Variants in KNDC1 observed in about 807,000 individuals in gnomAD.
KNDC1 encodes kinase non-catalytic C-lobe domain containing 1, also known as kinase non-catalytic C-lobe domain-containing protein 1.
Under a neutral mutation model 172.8 loss-of-function variants are expected in KNDC1, and 106 were observed. The observed-to-expected ratio is 0.61, with a 90% CI of 0.52 to 0.72. The LOEUF (loss-of-function observed/expected upper bound fraction) is 0.72, where lower values mean the gene tolerates loss of function less well. KNDC1 is among the 30% of genes least tolerant of loss of function. The probability of loss-of-function intolerance (pLI) is 0.00; values close to 1 mark genes in which losing one functional copy is unlikely to be tolerated. For synonymous variants in KNDC1, 1,083 were observed against 1,062.2 expected (o/e 1.02, Z -0.38); for missense variants, 2,325 against 2,394.5 (o/e 0.97, Z 0.61).
At position 133,214,036 on chromosome 10, in the gene KNDC1, G is replaced by A; in HGVS notation, c.4591G>A (p.Asp1531Asn). Residue 1531 changes from aspartate (D) to asparagine (N), a missense_variant, in exon 26 of 30, where the codon GAC becomes AAC. Coordinates refer to ENST00000304613, the MANE Select transcript of KNDC1 (RefSeq NM_152643.8). ...CSLFLPNYVQ[D>N]KYLLQLLRNA... ...CTTATTTCTGCCCAATTACGTTCAG[G>A]ACAAGTATCTGTTACAGCTTCTAAG... The A allele has an allele frequency of 6.2e-7, 1 of 1,614,208 alleles. No individual in the cohort carries two copies. Among genetic ancestry groups the A allele is most frequent in the Non-Finnish European group, 8.5e-7 (1 of 1,180,016 alleles).
At chr10:133,213,243 C>G (rs762724932) in intron 24 of KNDC1, among the ~76,000 whole-genome samples, 1 of 152,234 alleles carries the variant, frequency 6.6e-6, no homozygotes, top group African/African-American at 2.4e-5. Flanking sequence ...GTCTCTCCCC[C>G]CAGCCCCTCC....
chr10:133,172,725 G>A (rs561591276), intron 3 of KNDC1, among the ~76,000 whole-genome samples: 282 of 152,356 alleles, frequency 1.9e-3, no homozygotes, highest in Non-Finnish European at 2.8e-3. Flanking sequence ...TGGGCACAGT[G>A]GCTCACCCCT....
chr10:133,205,361 G>A (rs1845157348), intron 17 of KNDC1, among the ~76,000 whole-genome samples: 1 of 152,252 alleles, frequency 6.6e-6, no homozygotes, highest in South Asian at 2.1e-4. Flanking sequence ...CCCAGCTCCT[G>A]TGATCAGGAC....
At chr10:133,179,243 A>G (rs1490964359) in intron 3 of KNDC1, 1 of 151,946 alleles carries the variant, frequency 6.6e-6, no homozygotes, top group East Asian at 1.9e-4. Context: ...CCGAAATCTG[A>G]TCAACCATTT....
intron 1 of KNDC1, among the ~76,000 whole-genome samples, chr10:133,165,678 T>A (rs1196480050): frequency 6.6e-6 from 1 of 152,220 alleles, no homozygotes; most frequent in Non-Finnish European, 1.5e-5. Flanking sequence ...TGCGCCTGCG[T>A]GTGCAGGTGC....
rs556198102 is a variant in KNDC1, at chr10:133,209,340, G to A, written c.3795-1271G>A. 6.6e-6 allele frequency among the ~76,000 whole-genome samples: 1 copy of A among 151,512 alleles called. No individual in the cohort carries two copies. Among genetic ancestry groups the A allele is most frequent in the South Asian group, 2.1e-4 (1 of 4,790 alleles). On this transcript the variant is annotated intron_variant, in intron 20 of 29. Transcript: ENST00000304613. This position sits in a 1 kb window ranked among gnomAD's most constrained non-coding sequence, Gnocchi z 4.9. ...TGTGTGTGCACGTGTGTGCTGTGCG[G>A]TGTGGGGTATAGTGTGTGCACATGT... is the stretch of plus-strand genomic sequence containing the variant.
intron 28 of KNDC1, 73 bp from the exon 29 acceptor site, chr10:133,219,882 C>T (rs1249071437): frequency 4.9e-6 from 7 of 1,441,902 alleles, no homozygotes; most frequent in Non-Finnish European, 4.6e-6. Context: ...TTGGGCTGCG[C>T]TGGCCCCGGC....
chr10:133,207,981 T>G (rs913041537), intron 20 of KNDC1, among the ~76,000 whole-genome samples: 1 of 152,110 alleles, frequency 6.6e-6, no homozygotes, highest in Non-Finnish European at 1.5e-5. Context: ...CACTGGGAGC[T>G]GCAGCAGGCT....
chr10:133,197,499 G>A (rs41307078), intron 11 of KNDC1, among the ~76,000 whole-genome samples, 176 bp from the exon 12 acceptor site: 6,549 of 152,290 alleles, frequency 0.043, 204 homozygotes, highest in Non-Finnish European at 0.063. Flanking sequence ...GAGCCCCAAC[G>A]GCTCCCTCTC....
chr10:133,187,532 C>T (rs958558793), intron 6 of KNDC1, among the ~76,000 whole-genome samples: 2 of 152,256 alleles, frequency 1.3e-5, no homozygotes, highest in African/African-American at 4.8e-5. Flanking sequence ...CACCAGGCCT[C>T]GTTGATCTGA....
rs538966753 is a variant in KNDC1, at chr10:133,165,025, G to A, written c.103-2356G>A. 1.3e-3 allele frequency among the ~76,000 whole-genome samples: 205 copies of A among 152,306 alleles called. 1 individual carries two copies. The highest frequency in any genetic ancestry group is 2.3e-3 in the Non-Finnish European group (158 of 68,014). ...GCAGGTCCCAGAGGGCAGGTGACCCGGGGCCCAGAGTTCAGGCCTGGGAGC... is the reference window on the plus strand; with the variant it reads ...GCAGGTCCCAGAGGGCAGGTGACCCAGGGCCCAGAGTTCAGGCCTGGGAGC... On this transcript the variant is annotated intron_variant, in intron 1 of 29. Coordinates refer to ENST00000304613, the MANE Select transcript of KNDC1 (RefSeq NM_152643.8).
At position 133,212,920 on chromosome 10, in the gene KNDC1, C is replaced by G. The variant is rs1351415211; in HGVS notation, c.4441C>G (p.Gln1481Glu). ...CTTCAGCCAGCTCACGCTGCTACAG[C>G]AGGTGAGGAGGGCGAGGATCTGCGC... is the stretch of plus-strand genomic sequence containing the variant. Reference protein sequence around the residue: ...QLFSQLTLLQQELFQKCHPVH... With the variant: ...QLFSQLTLLQEELFQKCHPVH... Residue 1481 changes from glutamine (Q) to glutamate (E), a missense_variant and splice_region_variant, in exon 24 of 30, where the codon CAG becomes GAG. Coordinates refer to ENST00000304613, the MANE Select transcript of KNDC1 (RefSeq NM_152643.8). 6.2e-7 allele frequency: 1 copy of G among 1,610,254 alleles called. No homozygotes were observed. Among genetic ancestry groups the G allele is most frequent in the Admixed American group, 1.7e-5 (1 of 59,900 alleles).
Position 133,205,175 on chromosome 10 carries a change from G to A in KNDC1, c.3388-1510G>A, listed in dbSNP as rs1205546597. Among the ~76,000 whole-genome samples, 8 of 152,306 alleles carry A rather than the reference G, an allele frequency of 5.3e-5. No individual in the cohort carries two copies. In the East Asian group the frequency reaches 7.7e-4, roughly 15 times the overall value. Reference sequence around the variant, plus strand: ...AGGGCGCCCCTCCTCCAGCCTCTACGCCCGTGTGCCTGTCCCGTAGGACAG... The same window carrying A: ...AGGGCGCCCCTCCTCCAGCCTCTACACCCGTGTGCCTGTCCCGTAGGACAG... On this transcript the variant is annotated intron_variant, in intron 17 of 29. Coordinates refer to ENST00000304613, the MANE Select transcript of KNDC1 (RefSeq NM_152643.8).
chr10:133,221,833 G>T (rs1845595148), intron 29 of KNDC1, among the ~76,000 whole-genome samples: 2 of 116,950 alleles, frequency 1.7e-5, no homozygotes, highest in Non-Finnish European at 3.9e-5. Flanking sequence ...CCCTAGGTAG[G>T]CCGGGCTGGG....
At chr10:133,183,774 C>T in intron 4 of KNDC1, 98 bp from the exon 5 acceptor site, 2 of 1,009,758 alleles carry the variant, frequency 2.0e-6, no homozygotes, top group South Asian at 3.2e-5. Flanking sequence ...GGGGACTGTC[C>T]CCAGGTCACC....
chr10:133,195,915 C>A, intron 10 of KNDC1, 94 bp downstream of exon 10: 1 of 1,281,676 alleles, frequency 7.8e-7, no homozygotes, highest in Non-Finnish European at 1.0e-6. Flanking sequence ...GCACGGGCTG[C>A]CAGTGTCCAG....
In KNDC1 at chr10:133,224,509, G is replaced by A. The variant is rs1845680383; in HGVS notation, c.5019-150G>A. 2 of 628,100 alleles carry A rather than the reference G, an allele frequency of 3.2e-6. No individual in the cohort carries two copies. Among genetic ancestry groups the A allele is most frequent in the South Asian group, 3.9e-5 (2 of 50,792 alleles). 38.9% of individuals were successfully genotyped at this position (628,100 alleles called of 1,614,324 possible). Reference sequence around the variant, plus strand: ...GTCTGAGTAGTGACCTTTCCACCTCGCCAATAAATACAGACAACCCACCCT... The same window carrying A: ...GTCTGAGTAGTGACCTTTCCACCTCACCAATAAATACAGACAACCCACCCT... On this transcript the variant is annotated intron_variant, in intron 29 of 29. Coordinates refer to ENST00000304613, the MANE Select transcript of KNDC1 (RefSeq NM_152643.8). This position sits in a 1 kb window ranked among gnomAD's most constrained non-coding sequence, Gnocchi z 5.4.
intron 15 of KNDC1, among the ~76,000 whole-genome samples, 196 bp from the exon 16 acceptor site, chr10:133,200,179 C>A (rs890618163): frequency 3.3e-5 from 5 of 152,180 alleles, no homozygotes; most frequent in African/African-American, 1.2e-4. Flanking sequence ...CCCGAGTCCC[C>A]CCAGGGACCC....
In KNDC1 at chr10:133,186,326, C is replaced by G; in HGVS notation, c.978C>G (p.Arg326=). Residue 326 remains arginine, a synonymous_variant, in exon 6 of 30, where the codon CGC becomes CGG. Coordinates refer to ENST00000304613, the MANE Select transcript of KNDC1 (RefSeq NM_152643.8). ...CCACCCTCTGCCTGCCGCTGACCCGCGGGAAAAGCCAGCTGCCCATATCGG... is the reference window on the plus strand; with the variant it reads ...CCACCCTCTGCCTGCCGCTGACCCGGGGGAAAAGCCAGCTGCCCATATCGG... ...PEATLCLPLT[R]GKSQLPISEL... is the part of the protein sequence containing the mutation. 1 of 1,612,598 alleles carries G rather than the reference C, an allele frequency of 6.2e-7. No individual in the cohort carries two copies. Among genetic ancestry groups the G allele is most frequent in the South Asian group, 1.1e-5 (1 of 91,054 alleles).
Sources: allele counts gnomAD v4.1 joint callset (sites outside exome capture counted in the v4.1 genomes callset), GRCh38; gene constraint gnomAD v4.1.1; non-coding constraint Gnocchi (gnomAD v3.1); transcripts MANE v1.5; gene names NCBI Gene and HGNC (gene_info 2026-07-23, HGNC 2026-07-21).